HDAC4: variants seen among roughly 807,000 people sequenced by gnomAD.
HDAC4 encodes histone deacetylase 4, also known as histone deacetylase A.
A neutral mutation model predicts 135.1 loss-of-function variants in HDAC4; 16 were observed. The observed-to-expected ratio is 0.12, with a 90% confidence interval of 0.08 to 0.18. HDAC4 has a LOEUF of 0.18. Ranked by LOEUF, HDAC4 falls within the 10% of genes least tolerant of loss-of-function variation. The pLI is 1.00. For missense variants in HDAC4, 1,143 were observed against 1,511.8 expected (o/e 0.76, Z 4.05); for synonymous variants, 685 against 653.4 (o/e 1.05, Z -0.74).
intron 6 of HDAC4, among the ~76,000 whole-genome samples, chr2:239,162,824 G>C (rs2042895504): frequency 6.6e-6 from 1 of 152,166 alleles, no homozygotes; most frequent in African/African-American, 2.4e-5. Context: ...GGCCTCCACG[G>C]AAACAAGGGG....
chr2:239,366,453 T>C (rs1013734233), intron 1 of HDAC4, among the ~76,000 whole-genome samples: 2 of 152,268 alleles, frequency 1.3e-5, no homozygotes, highest in African/African-American at 4.8e-5. Context: ...CTTTTGCAGA[T>C]GCCTAGGTGT....
chr2:239,089,743 TAA>T lies in HDAC4; in HGVS notation c.2388+264_2388+265del, dbSNP rs1156624124. On this transcript the variant is annotated intron_variant, in intron 18 of 26. Coordinates refer to ENST00000543185, the MANE Select transcript of HDAC4 (RefSeq NM_001378414.1). ...CTCTTTGGAGCTTTTTTTTTTTTTTTAAGAGTATAAATTTTTAAGAGTATAAA... is the reference window on the plus strand; with the variant it reads ...CTCTTTGGAGCTTTTTTTTTTTTTTTGAGTATAAATTTTTAAGAGTATAAA... 7.4e-3 allele frequency: 2,642 copies of T among 357,880 alleles called. 26 individuals are homozygous for T. The highest frequency in any genetic ancestry group is 0.032 in the African/African-American group (1,336 of 41,880). The allele number at this position is 357,880 out of a possible 1,614,324, so 22.2% of individuals were successfully genotyped here.
intron 11 of HDAC4, among the ~76,000 whole-genome samples, chr2:239,127,399 G>A (rs752993439): frequency 6.6e-6 from 1 of 152,152 alleles, no homozygotes; most frequent in African/African-American, 2.4e-5. Context: ...TCTGTATCTT[G>A]ATTTACAATG....
intron 3 of HDAC4, among the ~76,000 whole-genome samples, chr2:239,209,036 A>G (rs1273540404): frequency 1.3e-5 from 2 of 152,124 alleles, no homozygotes; most frequent in Non-Finnish European, 2.9e-5. Flanking sequence ...GCCATCACGC[A>G]TGGCTAGTTT....
intron 2 of HDAC4, among the ~76,000 whole-genome samples, chr2:239,268,562 C>T (rs1453080922): frequency 2.0e-5 from 3 of 152,222 alleles, no homozygotes; most frequent in African/African-American, 4.8e-5. Flanking sequence ...ACAGTACAAT[C>T]GGTTTGGTGC....
At chr2:239,125,349 C>T (rs1046117606) in intron 12 of HDAC4, among the ~76,000 whole-genome samples, 1 of 152,172 alleles carries the variant, frequency 6.6e-6, no homozygotes, top group Non-Finnish European at 1.5e-5. Flanking sequence ...AGTGATGTGC[C>T]CGCTCCCCCT....
chr2:239,298,863 ATTTTTTTTTTTT>A (rs35449811), intron 2 of HDAC4, among the ~76,000 whole-genome samples: 65 of 82,984 alleles, frequency 7.8e-4, no homozygotes, highest in African/African-American at 3.2e-3. Context: ...GCCATAGCCT[ATTTTTTTTTTTT>A]TTTTTTTTTT....
At position 239,109,060 on chromosome 2, in the gene HDAC4, G is replaced by A. The variant is rs146302593; in HGVS notation, c.1979-877C>T. ...TAGAGATGCGAGGGAAGGCCAGGTGGCCCTCCGGGGCACAGCTCTGCCCCG... is the reference window on the plus strand; with the variant it reads ...TAGAGATGCGAGGGAAGGCCAGGTGACCCTCCGGGGCACAGCTCTGCCCCG... On this transcript the variant is annotated intron_variant, in intron 14 of 26. Transcript: ENST00000543185. Among the ~76,000 whole-genome samples, 210 of 152,358 alleles carry A rather than the reference G, an allele frequency of 1.4e-3. 2 individuals are homozygous for A. Among genetic ancestry groups the A allele is most frequent in the African/African-American group, 5.0e-3 (208 of 41,584 alleles).
chr2:239,116,018 C>T (rs964888179), intron 12 of HDAC4, among the ~76,000 whole-genome samples: 2 of 152,144 alleles, frequency 1.3e-5, no homozygotes, highest in Non-Finnish European at 2.9e-5. Flanking sequence ...TGTGGGACTC[C>T]CTAGATGCCC....
At chr2:239,327,999 A>G (rs1303726160) in intron 2 of HDAC4, among the ~76,000 whole-genome samples, 1 of 152,186 alleles carries the variant, frequency 6.6e-6, no homozygotes, top group Admixed American at 6.5e-5. Flanking sequence ...CCTGTCCACA[A>G]GGCCCCTCAC....
At chr2:239,330,501 C>G (rs753567765) in intron 2 of HDAC4, among the ~76,000 whole-genome samples, 4 of 152,248 alleles carry the variant, frequency 2.6e-5, no homozygotes, top group Admixed American at 6.5e-5. Flanking sequence ...CTGGCCTGGA[C>G]TTCCGCTCCA....
rs548595876 is a variant in HDAC4 at position 239,299,933 on chromosome 2, A to C, written c.22+52745T>G. On this transcript the variant is annotated intron_variant, in intron 2 of 26. Coordinates refer to ENST00000543185, the MANE Select transcript of HDAC4 (RefSeq NM_001378414.1). The surrounding 1 kb of genome is among the most constrained non-coding windows in gnomAD (Gnocchi z 4.0). ...GCTCGGGAGACAGGGGAGACAGAGA[A>C]GGAAGAGGGGTCCCATCAGAGGACT... is the stretch of plus-strand genomic sequence containing the variant. Among the ~76,000 whole-genome samples, 1 of 152,314 alleles carries C rather than the reference A, an allele frequency of 6.6e-6. No individual in the cohort carries two copies. The highest frequency in any genetic ancestry group is 1.5e-5 in the Non-Finnish European group (1 of 68,024).
rs1295317108 is a variant in HDAC4 at position 239,068,419 on chromosome 2, G to A, written c.2869+70C>T. ...TATCTCGTTATTAAAAAGGGGACCT[G>A]ACACGCGGAACACAGCGGATCATGG... is the stretch of plus-strand genomic sequence containing the variant. On this transcript the variant is annotated intron_variant, in intron 23 of 26. Coordinates refer to ENST00000543185, the MANE Select transcript of HDAC4 (RefSeq NM_001378414.1). The surrounding 1 kb of genome is among the most constrained non-coding windows in gnomAD (Gnocchi z 4.4). The A allele has an allele frequency of 9.0e-7, 1 of 1,113,274 alleles. No homozygotes were observed. The highest frequency in any genetic ancestry group is 1.2e-5 in the South Asian group (1 of 81,098). The allele number at this position is 1,113,274 out of a possible 1,614,324, so 69.0% of individuals were successfully genotyped here. A position where few individuals can be genotyped will look rare whatever the true frequency, so the allele number is the denominator to read the frequency against.
chr2:239,371,644 AAC>A (rs1323348987), intron 1 of HDAC4, among the ~76,000 whole-genome samples: 2 of 151,990 alleles, frequency 1.3e-5, no homozygotes, highest in Non-Finnish European at 2.9e-5. Flanking sequence ...TATAACCTCA[AAC>A]ACACATACGC....
rs115984074 is a variant in HDAC4, at chr2:239,154,893, T to C, written c.733+1759A>G. ...AAAGCAGCAGAAGCTCTAGGTTCACTTTTCCCAATAAAGGTTTATGGCCCA... is the reference window on the plus strand; with the variant it reads ...AAAGCAGCAGAAGCTCTAGGTTCACCTTTCCCAATAAAGGTTTATGGCCCA... On this transcript the variant is annotated intron_variant, in intron 7 of 26. Coordinates refer to ENST00000543185, the MANE Select transcript of HDAC4 (RefSeq NM_001378414.1). 1,039 of 152,366 alleles carry C rather than the reference T, an allele frequency of 6.8e-3. 16 individuals are homozygous for C. The highest frequency in any genetic ancestry group is 0.023 in the African/African-American group (976 of 41,552). The allele number at this position is 152,366 out of a possible 1,614,324, so 9.4% of individuals were successfully genotyped here. A position where few individuals can be genotyped will look rare whatever the true frequency, so the allele number is the denominator to read the frequency against.
At chr2:239,182,229 C>T (rs190054393) in intron 4 of HDAC4, among the ~76,000 whole-genome samples, 52 of 152,122 alleles carry the variant, frequency 3.4e-4, no homozygotes, top group Admixed American at 6.6e-4. Context: ...AGAAAACAAA[C>T]ACAGTCCTTT....
intron 7 of HDAC4, among the ~76,000 whole-genome samples, chr2:239,145,385 G>T (rs1337946750): frequency 6.9e-6 from 1 of 145,102 alleles, no homozygotes; most frequent in Non-Finnish European, 1.5e-5. Flanking sequence ...GCGTGGGTCG[G>T]TTTCTGTGAA....
At chr2:239,160,997 G>A (rs1303363729) in intron 6 of HDAC4, among the ~76,000 whole-genome samples, 1 of 152,178 alleles carries the variant, frequency 6.6e-6, no homozygotes, top group Non-Finnish European at 1.5e-5. Flanking sequence ...CAGGTATGAA[G>A]GGGCTGCTTG....
intron 2 of HDAC4, among the ~76,000 whole-genome samples, chr2:239,329,393 C>T (rs1691400386): frequency 6.6e-6 from 1 of 152,216 alleles, no homozygotes; most frequent in African/African-American, 2.4e-5. Context: ...GATTCTGCCC[C>T]GTCATCTCAG....
Sources: gnomAD v4.1 joint callset for allele counts (sites outside exome capture counted in the v4.1 genomes callset) on GRCh38, gnomAD v4.1.1 for gene constraint, Gnocchi (gnomAD v3.1) non-coding constraint, MANE v1.5 for transcripts, NCBI Gene and HGNC (gene_info 2026-07-23, HGNC 2026-07-21) for gene names.